The following CENPH variants were observed in gnomAD, a reference collection of about 807,000 sequenced individuals.
The protein encoded by CENPH is CENP-H.
In CENPH, 40 loss-of-function variants were observed where a neutral mutation model predicts 42.9. The observed-to-expected ratio is 0.93, with a 90% confidence interval of 0.72 to 1.21. The LOEUF (loss-of-function observed/expected upper bound fraction) is 1.21, where lower values mean the gene tolerates loss of function less well. CENPH is among the 50% of genes most tolerant of loss of function. The pLI, the probability that CENPH is intolerant of heterozygous loss-of-function variation, is 0.00. For synonymous variants in CENPH, 88 were observed against 96.5 expected, an observed-to-expected ratio of 0.91 and a Z score of 0.52; for missense variants, 302 against 292.9, an observed-to-expected ratio of 1.03 and a Z score of -0.23.
chr5:69,206,200 T>A (rs76391145), intron 7 of CENPH, among the ~76,000 whole-genome samples: 5 of 151,124 alleles, frequency 3.3e-5, no homozygotes, highest in East Asian at 1.9e-4. Flanking sequence ...TTTTTTTTTT[T>A]ATACGGAATT....
rs1045515250 is a variant in CENPH, at chr5:69,198,309, C to CT, written c.371+1211dup. ...AAAAATTCCTGCATGGGTATAAGCA[C>CT]TTTTTTTTTTTGGAGACGGAATCTT... On this transcript the variant is annotated intron_variant, in intron 5 of 8. Transcript: ENST00000283006. Among the ~76,000 whole-genome samples the CT allele has an allele frequency of 6.5e-4, 94 of 145,410 alleles. 1 individual carries two copies. Among genetic ancestry groups the CT allele is most frequent in the African/African-American group, 1.2e-3 (46 of 39,892 alleles).
intron 5 of CENPH, 123 bp from the exon 6 acceptor site, chr5:69,202,383 C>T (rs1424071423): frequency 3.8e-5 from 22 of 574,508 alleles, no homozygotes; most frequent in African/African-American, 6.0e-5. Context: ...ACTTTTTATC[C>T]AAGTGTACGG....
intron 7 of CENPH, among the ~76,000 whole-genome samples, chr5:69,207,163 A>G (rs1748173423): frequency 6.6e-6 from 1 of 151,870 alleles, no homozygotes; most frequent in Non-Finnish European, 1.5e-5. Flanking sequence ...ATGATTGATG[A>G]TGTTTATCCC....
intron 7 of CENPH, among the ~76,000 whole-genome samples, chr5:69,205,382 C>T (rs545483431): frequency 4.1e-4 from 63 of 152,166 alleles, no homozygotes; most frequent in African/African-American, 1.4e-3. Flanking sequence ...CGTGCCACCA[C>T]GCCTGGCTAA....
chr5:69,195,704 G>A lies in CENPH; in HGVS notation c.240-13G>A. The A allele has an allele frequency of 6.8e-7, 1 of 1,465,024 alleles. No individual in the cohort carries two copies. The highest frequency in any genetic ancestry group is 9.5e-7 in the Non-Finnish European group (1 of 1,055,702). The allele number at this position is 1,465,024 out of a possible 1,614,324, so 90.8% of individuals were successfully genotyped here. A position where few individuals can be genotyped will look rare whatever the true frequency, so the allele number is the denominator to read the frequency against. On this transcript the variant is annotated splice_polypyrimidine_tract_variant and intron_variant, in intron 3 of 8. Transcript: ENST00000283006. ...ATATTGCTGAAATTCTTTTGCTCAT[G>A]TTTCTTTGATAGTAAAATTGAAGAC...
intron 1 of CENPH, 96 bp downstream of exon 1, chr5:69,189,864 G>T: frequency 7.8e-7 from 1 of 1,284,466 alleles, no homozygotes; most frequent in Non-Finnish European, 1.0e-6. Flanking sequence ...ATTCACGCTC[G>T]GTCACGTCAG....
chr5:69,190,800 G>T (rs1023664258), intron 1 of CENPH, among the ~76,000 whole-genome samples: 4 of 152,026 alleles, frequency 2.6e-5, no homozygotes, highest in African/African-American at 4.8e-5. Context: ...TGAGGCAAGA[G>T]AATTGATTGA....
chr5:69,193,405 G>A (rs1747911508), intron 2 of CENPH, among the ~76,000 whole-genome samples: 1 of 151,792 alleles, frequency 6.6e-6, no homozygotes, highest in South Asian at 2.1e-4. Context: ...GGGCCAAGGC[G>A]AGAGGATTGC....
intron 7 of CENPH, among the ~76,000 whole-genome samples, chr5:69,204,007 C>CTA (rs1448006066): frequency 1.0e-4 from 8 of 76,346 alleles, no homozygotes; most frequent in African/African-American, 2.0e-4. Context: ...GAGAGAATTT[C>CTA]TATATATATA....
intron 7 of CENPH, chr5:69,207,912 C>T (rs1001196160): frequency 4.2e-5 from 8 of 190,938 alleles, no homozygotes; most frequent in Admixed American, 1.2e-4. Context: ...AATAAGCCCT[C>T]ATTACATGAT....
chr5:69,204,689 TCTG>T (rs2112093457), intron 7 of CENPH, among the ~76,000 whole-genome samples: 1 of 144,970 alleles, frequency 6.9e-6, no homozygotes, highest in East Asian at 2.1e-4. Context: ...CACTGCAACT[TCTG>T]CTTCCCGGGT....
rs377674570 is a variant in CENPH at position 69,194,689 on chromosome 5, T to A, written c.233T>A (p.Ile78Asn). The change falls in exon 3 of 9, where the codon ATC becomes AAC. Residue 78 changes from isoleucine to asparagine, a missense_variant. By Grantham distance (149) the Ile-to-Asn change is moderately radical. Coordinates refer to ENST00000283006, the MANE Select transcript of CENPH (RefSeq NM_022909.4). ...TPEQIMQEKQIEAKIEDLENE... is the reference protein window; with the variant it reads ...TPEQIMQEKQNEAKIEDLENE... ...GAACAAATTATGCAAGAAAAGCAAA[T>A]CGAAGCGTATGTTATATTTAAAAAT... The A allele has an allele frequency of 1.3e-6, 2 of 1,576,974 alleles. No homozygotes were observed.
chr5:69,203,733 C>G (rs1307895188), intron 7 of CENPH, among the ~76,000 whole-genome samples: 2 of 151,912 alleles, frequency 1.3e-5, no homozygotes, highest in African/African-American at 4.8e-5. Context: ...AAACTCCTGA[C>G]CTCAAGTGAT....
intron 7 of CENPH, among the ~76,000 whole-genome samples, chr5:69,203,699 C>A (rs931781225): frequency 6.6e-6 from 1 of 151,940 alleles, no homozygotes. Flanking sequence ...GACGGGATTT[C>A]ACCTTGTTGG....
At position 69,189,584 on chromosome 5, in the gene CENPH, T is replaced by C; in HGVS notation, c.-51T>C. ...CCATTTAGTGGCGGGAAAAGCGACC[T>C]TTTCTGAGCGCGTTTGCCTGTTGAG... On this transcript the variant is annotated 5_prime_UTR_variant, in exon 1 of 9. Transcript: ENST00000283006. The C allele has an allele frequency of 1.3e-6, 2 of 1,504,250 alleles. No individual in the cohort carries two copies. The highest frequency in any genetic ancestry group is 1.4e-5 in the African/African-American group (1 of 71,448). 93.2% of individuals were successfully genotyped at this position (1,504,250 alleles called of 1,614,324 possible). A position where few individuals can be genotyped will look rare whatever the true frequency, so the allele number is the denominator to read the frequency against.
At chr5:69,206,596 C>A (rs1221187977) in intron 7 of CENPH, among the ~76,000 whole-genome samples, 1 of 152,064 alleles carries the variant, frequency 6.6e-6, no homozygotes, top group Non-Finnish European at 1.5e-5. Flanking sequence ...TCAAGCAGTT[C>A]TCCTACCTCA....
chr5:69,197,171 G>A, intron 5 of CENPH, 62 bp downstream of exon 5: 1 of 1,092,704 alleles, frequency 9.2e-7, no homozygotes, highest in Non-Finnish European at 1.3e-6. Flanking sequence ...CTTTAGTTTT[G>A]TGAATTTTAA....
chr5:69,204,840 G>A (rs866336097), intron 7 of CENPH, among the ~76,000 whole-genome samples: 23 of 151,008 alleles, frequency 1.5e-4, no homozygotes, highest in African/African-American at 2.7e-4. Context: ...TCCTGATCTC[G>A]TGATTCATCC....
chr5:69,193,664 T>G (rs534384747), intron 2 of CENPH, among the ~76,000 whole-genome samples: 3 of 99,154 alleles, frequency 3.0e-5, no homozygotes, highest in East Asian at 4.5e-4. Context: ...GTTTTTTCTG[T>G]TTTTTTTTTT....
Sources: gnomAD v4.1 joint callset for allele counts (sites outside exome capture counted in the v4.1 genomes callset) on GRCh38, gnomAD v4.1.1 for gene constraint, MANE v1.5 for transcripts, NCBI Gene and HGNC (gene_info 2026-07-23, HGNC 2026-07-21) for gene names.